CFTR: variants seen among roughly 807,000 people sequenced by gnomAD.
The protein encoded by CFTR is CF transmembrane conductance regulator, also known as cystic fibrosis transmembrane conductance regulator.
In CFTR, 181 loss-of-function variants were observed where a neutral mutation model predicts 171.6. The observed-to-expected ratio is 1.05, with a 90% CI of 0.93 to 1.19. The LOEUF (loss-of-function observed/expected upper bound fraction) is 1.19. Ranked by LOEUF, CFTR falls within the 50% of genes most tolerant of loss-of-function variation. CFTR has a pLI of 0.00. For synonymous variants in CFTR, 583 were observed against 608.0 expected, an observed-to-expected ratio of 0.96 and a Z score of 0.60; for missense variants, 1,968 against 1,734.7, an observed-to-expected ratio of 1.13 and a Z score of -2.39.
At chr7:117,501,772 G>GAAAAAAAAAAAAAAA (rs1798332750) in intron 1 of CFTR, among the ~76,000 whole-genome samples, 1 of 73,580 alleles carries the variant, frequency 1.4e-5, no homozygotes, top group Non-Finnish European at 2.9e-5. Context: ...AAAAAAAAAA[G>GAAAAAAAAAAAAAAA]AAACAAAAAA....
intron 10 of CFTR, among the ~76,000 whole-genome samples, chr7:117,557,076 C>T (rs900004617): frequency 6.6e-6 from 1 of 151,420 alleles, no homozygotes; most frequent in African/African-American, 2.4e-5. Context: ...GTGCATTTTC[C>T]TCTGGGTAAT....
At chr7:117,569,610 TGAG>T (rs1245029323) in intron 11 of CFTR, among the ~76,000 whole-genome samples, 2 of 152,018 alleles carry the variant, frequency 1.3e-5, no homozygotes, top group Admixed American at 6.6e-5. Flanking sequence ...TGAGGGAGCC[TGAG>T]GAGAAGGAGC....
At chr7:117,603,105 G>A (rs1222246824) in intron 16 of CFTR, among the ~76,000 whole-genome samples, 3 of 152,050 alleles carry the variant, frequency 2.0e-5, no homozygotes, top group Non-Finnish European at 4.4e-5. Flanking sequence ...AGGAGTTCAG[G>A]GCTGTAGTGT....
intron 22 of CFTR, among the ~76,000 whole-genome samples, chr7:117,640,836 C>T (rs117492933): frequency 6.6e-6 from 1 of 152,148 alleles, no homozygotes; most frequent in African/African-American, 2.4e-5. Flanking sequence ...TAAGTTCATT[C>T]ATCTGCTCAT....
chr7:117,485,965 C>G (rs1012161704), intron 1 of CFTR, among the ~76,000 whole-genome samples: 1 of 151,966 alleles, frequency 6.6e-6, no homozygotes, highest in Non-Finnish European at 1.5e-5. Flanking sequence ...TATTGTAGAT[C>G]GATGACATTC....
In CFTR at chr7:117,614,682, C is replaced by T. The variant is rs773511304; in HGVS notation, c.3437C>T (p.Ala1146Val). The change falls in exon 21 of 27, where the codon GCT becomes GTT. Residue 1146 changes from alanine to valine, a missense_variant. Ala to Val is a moderately conservative substitution (Grantham distance 64). Coordinates refer to ENST00000003084, the MANE Select transcript of CFTR (RefSeq NM_000492.4). ...AMNIMSTLQW[A>V]VNSSIDVDSL... Reference sequence around the variant, plus strand: ...AATATCATGAGTACATTGCAGTGGGCTGTAAACTCCAGCATAGATGTGGAT... The same window carrying T: ...AATATCATGAGTACATTGCAGTGGGTTGTAAACTCCAGCATAGATGTGGAT... The T allele has an allele frequency of 3.1e-6, 5 of 1,611,792 alleles. No homozygotes were observed. The South Asian group carries it at 4.4e-5, about 14-fold the overall frequency.
intron 22 of CFTR, among the ~76,000 whole-genome samples, chr7:117,640,660 T>C (rs558294611): frequency 6.6e-6 from 1 of 152,282 alleles, no homozygotes; most frequent in South Asian, 2.1e-4. Flanking sequence ...CACTTTACTA[T>C]TGTGTTAGAA....
intron 1 of CFTR, among the ~76,000 whole-genome samples, chr7:117,482,495 T>C (rs1420750416): frequency 1.3e-5 from 2 of 152,040 alleles, no homozygotes; most frequent in African/African-American, 4.8e-5. Flanking sequence ...AAAATAAACA[T>C]AATCTAAGAG....
Position 117,587,736 on chromosome 7 carries a change from T to C in CFTR, c.1585-3T>C. 2 of 1,580,350 alleles carry C rather than the reference T, an allele frequency of 1.3e-6. No homozygotes were observed. The highest frequency in any genetic ancestry group is 1.7e-6 in the Non-Finnish European group (2 of 1,149,522). On this transcript the variant is annotated splice_polypyrimidine_tract_variant and splice_region_variant and intron_variant, in intron 11 of 26. Transcript: ENST00000003084. ...CTCTCTAATTTTCTATTTTTGGTAA[T>C]AGGACATCTCCAAGTTTGCAGAGAA...
intron 3 of CFTR, among the ~76,000 whole-genome samples, chr7:117,515,513 G>A (rs187945092): frequency 4.3e-4 from 65 of 152,178 alleles, no homozygotes; most frequent in African/African-American, 1.5e-3. Flanking sequence ...TGGTCTATAT[G>A]TCTGTTATCG....
At chr7:117,487,580 G>A (rs1002387805) in intron 1 of CFTR, among the ~76,000 whole-genome samples, 1 of 152,096 alleles carries the variant, frequency 6.6e-6, no homozygotes, top group Non-Finnish European at 1.5e-5. Context: ...GTTTCTGTGT[G>A]TGTTAAAAGA....
chr7:117,491,790 T>C (rs1798163342), intron 1 of CFTR, among the ~76,000 whole-genome samples: 1 of 152,112 alleles, frequency 6.6e-6, no homozygotes, highest in African/African-American at 2.4e-5. Context: ...GGTCACATCC[T>C]TAGGTACCGG....
At chr7:117,626,877 T>C (rs991004516) in intron 21 of CFTR, among the ~76,000 whole-genome samples, 2 of 152,040 alleles carry the variant, frequency 1.3e-5, no homozygotes, top group African/African-American at 2.4e-5. Flanking sequence ...CATGAATAGA[T>C]TTATAAAGCA....
Position 117,627,693 on chromosome 7 carries a change from G to T in CFTR, c.3640G>T (p.Asp1214Tyr). The T allele has an allele frequency of 6.2e-7, 1 of 1,613,278 alleles. No homozygotes were observed. The highest frequency in any genetic ancestry group is 8.5e-7 in the Non-Finnish European group (1 of 1,179,516). The change falls in exon 22 of 27, where the codon GAT (aspartate) becomes TAT (tyrosine). Residue 1214 changes from aspartate to tyrosine, a missense_variant. By Grantham distance (160) the Asp-to-Tyr change is radical. Coordinates refer to ENST00000003084, the MANE Select transcript of CFTR (RefSeq NM_000492.4). ...CTCAGGGGGCCAAATGACTGTCAAA[G>T]ATCTCACAGCAAAATACACAGAAGG... ...WPSGGQMTVK[D>Y]LTAKYTEGGN...
chr7:117,513,271 T>C (rs897017263), intron 3 of CFTR, among the ~76,000 whole-genome samples: 5 of 151,998 alleles, frequency 3.3e-5, no homozygotes, highest in African/African-American at 1.2e-4. Context: ...AAAACAGGTT[T>C]CAGTGGCAAG....
intron 19 of CFTR, among the ~76,000 whole-genome samples, chr7:117,610,972 A>G (rs930425545): frequency 2.6e-5 from 4 of 152,182 alleles, no homozygotes; most frequent in Non-Finnish European, 5.9e-5. Context: ...AAATTAAACA[A>G]GGATAGTGCT....
chr7:117,638,770 A>AATG lies in CFTR; in HGVS notation c.3718-3667_3718-3666insTGA, dbSNP rs1792867793. 5.8e-5 allele frequency among the ~76,000 whole-genome samples: 8 copies of AATG among 137,214 alleles called. No homozygotes were observed. In the South Asian group the frequency reaches 1.6e-3, roughly 27 times the overall value. The allele number at this position is 137,214 out of a possible 152,430, so 90.0% of individuals were successfully genotyped here. A position where few individuals can be genotyped will look rare whatever the true frequency, so the allele number is the denominator to read the frequency against. Reference sequence around the variant, plus strand: ...ATAAATAAATAAATAAATAAATAATAAAAATAAAAAAATAAAATAAAACAA... The same window carrying AATG: ...ATAAATAAATAAATAAATAAATAATAATGAAAATAAAAAAATAAAATAAAACAA... On this transcript the variant is annotated intron_variant, in intron 22 of 26. Transcript: ENST00000003084.
At chr7:117,614,905 T>C (rs1403507008) in intron 21 of CFTR, among the ~76,000 whole-genome samples, 192 bp downstream of exon 21, 1 of 152,134 alleles carries the variant, frequency 6.6e-6, no homozygotes, top group Non-Finnish European at 1.5e-5. Context: ...ATAGCCACTA[T>C]GAAGATCTAA....
At chr7:117,611,926 T>A (rs1416596637) in intron 20 of CFTR, 118 bp downstream of exon 20, 11 of 661,864 alleles carry the variant, frequency 1.7e-5, no homozygotes, top group Non-Finnish European at 2.3e-5. Context: ...AATTAACAAA[T>A]TTGTTGGTTT....
Sources: gnomAD v4.1 joint callset for allele counts (sites outside exome capture counted in the v4.1 genomes callset) on GRCh38, gnomAD v4.1.1 for gene constraint, MANE v1.5 for transcripts, NCBI Gene and HGNC (gene_info 2026-07-23, HGNC 2026-07-21) for gene names.